Variants in HLTF observed in about 807,000 individuals in gnomAD.
The protein encoded by HLTF is DNA-dependent ATPase/E3 ubiquitin-protein ligase HLTF.
In HLTF, 127 loss-of-function variants were observed where a neutral mutation model predicts 129.4. That is an observed-to-expected ratio of 0.98 (90% confidence interval 0.85 to 1.14). The LOEUF is 1.14. Among genes scored for constraint, HLTF ranks in the 50% most tolerant of loss-of-function variants. HLTF has a pLI of 0.00. For missense variants in HLTF, 1,139 were observed against 1,187.1 expected (o/e 0.96, Z 0.60); for synonymous variants, 332 against 388.8 (o/e 0.85, Z 1.72).
In HLTF at chr3:149,075,872, G is replaced by A; in HGVS notation, c.395+9C>T. On this transcript the variant is annotated intron_variant, in intron 3 of 24. Transcript: ENST00000310053. ...CAATTATTAAAACTAAATTCTGAAAGTACATTACCCTTCAATTTGTGCCAA... is the reference window on the plus strand; with the variant it reads ...CAATTATTAAAACTAAATTCTGAAAATACATTACCCTTCAATTTGTGCCAA... 6.3e-7 allele frequency: 1 copy of A among 1,585,792 alleles called. No homozygotes were observed. The highest frequency in any genetic ancestry group is 8.6e-7 in the Non-Finnish European group (1 of 1,165,698).
At chr3:149,066,314 G>C (rs1027663334) in intron 8 of HLTF, among the ~76,000 whole-genome samples, 1 of 152,054 alleles carries the variant, frequency 6.6e-6, no homozygotes, top group Non-Finnish European at 1.5e-5. Context: ...CCAAAGTGCT[G>C]GGATTACAGG....
At chr3:149,045,398 T>C (rs2107976859) in intron 18 of HLTF, among the ~76,000 whole-genome samples, 1 of 152,332 alleles carries the variant, frequency 6.6e-6, no homozygotes, top group East Asian at 1.9e-4. Context: ...CCCATTAAAA[T>C]ATAAATTCCT....
rs1179974728 is a variant in HLTF at position 149,060,706 on chromosome 3, T to TA, written c.1241-20dup. ...AGTTTGCCTAAAAATAAAACAAAAATAAACATAAAAATGGGCAAAACAGGA... is the reference window on the plus strand; with the variant it reads ...AGTTTGCCTAAAAATAAAACAAAAATAAAACATAAAAATGGGCAAAACAGGA... On this transcript the variant is annotated intron_variant, in intron 11 of 24. Transcript: ENST00000310053. The TA allele has an allele frequency of 4.3e-6, 7 of 1,612,292 alleles. No individual in the cohort carries two copies. Among genetic ancestry groups the TA allele is most frequent in the Non-Finnish European group, 5.9e-6 (7 of 1,178,922 alleles).
intron 10 of HLTF, among the ~76,000 whole-genome samples, chr3:149,062,892 A>C (rs1718065361): frequency 6.6e-6 from 1 of 152,222 alleles, no homozygotes. Context: ...AGTGATTATT[A>C]AAATTTACCA....
chr3:149,078,210 G>A lies in HLTF; in HGVS notation c.229-2163C>T, dbSNP rs189303990. Among the ~76,000 whole-genome samples the A allele has an allele frequency of 6.7e-3, 1,019 of 152,300 alleles. 6 individuals are homozygous for A. The highest frequency in any genetic ancestry group is 0.023 in the African/African-American group (964 of 41,568). On this transcript the variant is annotated intron_variant, in intron 2 of 24. Coordinates refer to ENST00000310053, the MANE Select transcript of HLTF (RefSeq NM_003071.4). ...CAACTGTCCCCAAGAAAGTATAGAT[G>A]TTTGACATAGTAGAAAAAGAATTTA...
intron 17 of HLTF, among the ~76,000 whole-genome samples, chr3:149,046,555 C>A (rs1251371902): frequency 1.3e-5 from 2 of 152,148 alleles, no homozygotes; most frequent in African/African-American, 2.4e-5. Flanking sequence ...CAATCACTAA[C>A]TCTTTTACTT....
chr3:149,071,213 CA>C, intron 7 of HLTF, 38 bp downstream of exon 7: 1 of 1,289,448 alleles, frequency 7.8e-7, no homozygotes, highest in Non-Finnish European at 1.1e-6. Context: ...ATCATAATCA[CA>C]AAATTAGATT....
chr3:149,080,712 G>A (rs1025529853), intron 2 of HLTF, among the ~76,000 whole-genome samples: 10 of 151,944 alleles, frequency 6.6e-5, no homozygotes, highest in Non-Finnish European at 1.2e-4. Flanking sequence ...GTTAACTGTC[G>A]TTACAAATAA....
In HLTF at chr3:149,041,596, T is replaced by A. The variant is rs778009036; in HGVS notation, c.2270A>T (p.Asp757Val). ...ATCCAGGCAAATTGCACATTCCTCATCTGAACCTGAGCTCAGAATTAACTT... is the reference window on the plus strand; with the variant it reads ...ATCCAGGCAAATTGCACATTCCTCAACTGAACCTGAGCTCAGAATTAACTT... ...KMKLILSSGS[D>V]EECAICLDSL... The change falls in exon 20 of 25, where the codon GAT (aspartate) becomes GTT (valine). Residue 757 changes from aspartate to valine, a missense_variant. Asp to Val is a radical substitution (Grantham distance 152). Coordinates refer to ENST00000310053, the MANE Select transcript of HLTF (RefSeq NM_003071.4). 2 of 1,612,388 alleles carry A rather than the reference T, an allele frequency of 1.2e-6. No homozygotes were observed. Among genetic ancestry groups the A allele is most frequent in the East Asian group, 2.2e-5 (1 of 44,800 alleles).
In HLTF at chr3:149,048,904, G is replaced by A; in HGVS notation, c.1715C>T (p.Ala572Val). The A allele has an allele frequency of 6.2e-7, 1 of 1,613,336 alleles. No individual in the cohort carries two copies. The highest frequency in any genetic ancestry group is 8.5e-7 in the Non-Finnish European group (1 of 1,179,448). ...IRNPNAQQTKAVLDLESERRW... is the reference protein window; with the variant it reads ...IRNPNAQQTKVVLDLESERRW... ...TCTTTCTGATTCTAAGTCAAGTACA[G>A]CTTTTGTCTGCTGAGCATTTGGATT... The change falls in exon 16 of 25, where the codon GCT becomes GTT. Residue 572 changes from alanine (A) to valine (V), a missense_variant. Transcript: ENST00000310053.
rs746113839 is a variant in HLTF, at chr3:149,059,717, C to A, written c.1375+1G>T. 5 of 1,553,808 alleles carry A rather than the reference C, an allele frequency of 3.2e-6. No individual in the cohort carries two copies. In the African/African-American group the frequency reaches 5.5e-5, roughly 17 times the overall value. ...ACTAGAAAACAAGGATATTTACTGA[C>A]CCTTTTTCAACATTTTCTTTTTTGT... is the stretch of plus-strand genomic sequence containing the variant. On this transcript the variant is annotated splice_donor_variant, in intron 13 of 24. Coordinates refer to ENST00000310053, the MANE Select transcript of HLTF (RefSeq NM_003071.4). LOFTEE classifies it high-confidence loss of function.
At position 149,060,834 on chromosome 3, in the gene HLTF, T is replaced by C. The variant is rs781631030; in HGVS notation, c.1185A>G (p.Ile395Met). The C allele has an allele frequency of 3.1e-6, 5 of 1,612,914 alleles. No individual in the cohort carries two copies. The highest frequency in any genetic ancestry group is 4.2e-6 in the Non-Finnish European group (5 of 1,179,112). Residue 395 changes from isoleucine to methionine, a missense_variant, in exon 11 of 25, where the codon ATA (isoleucine) becomes ATG (methionine). By Grantham distance (10) the Ile-to-Met change is conservative. Transcript: ENST00000310053. ...CAATTTCCTCTGAATCACTGCTTTCTATGTACTGGACAGCAGTTTTTCTTC... is the reference window on the plus strand; with the variant it reads ...CAATTTCCTCTGAATCACTGCTTTCCATGTACTGGACAGCAGTTTTTCTTC... ...PKRRKTAVQY[I>M]ESSDSEEIET...
intron 2 of HLTF, among the ~76,000 whole-genome samples, chr3:149,081,641 A>T (rs183145883): frequency 4.6e-5 from 7 of 152,352 alleles, no homozygotes; most frequent in African/African-American, 1.7e-4. Flanking sequence ...AAAAGTTTTT[A>T]AAAAGTTTAA....
Position 149,084,803 on chromosome 3 carries a change from C to G in HLTF, c.107G>C (p.Arg36Pro), listed in dbSNP as rs1331648034. The G allele has an allele frequency of 6.2e-7, 1 of 1,613,754 alleles. No individual in the cohort carries two copies. Among genetic ancestry groups the G allele is most frequent in the African/African-American group, 1.3e-5 (1 of 74,836 alleles). Reference sequence around the variant, plus strand: ...AGGGATAACATCTTGGAATTCAAAACGTGGAAAGAAAGTTGGATATGAGAG... The same window carrying G: ...AGGGATAACATCTTGGAATTCAAAAGGTGGAAAGAAAGTTGGATATGAGAG... ...PRLSYPTFFPRFEFQDVIPPD... is the reference protein window; with the variant it reads ...PRLSYPTFFPPFEFQDVIPPD... The change falls in exon 2 of 25, where the codon CGT becomes CCT. Residue 36 changes from arginine to proline, a missense_variant. Physicochemically the swap from Arg to Pro is moderately radical, Grantham distance 103. Transcript: ENST00000310053.
intron 20 of HLTF, among the ~76,000 whole-genome samples, chr3:149,041,168 TAA>T (rs1460953784): frequency 6.6e-6 from 1 of 152,182 alleles, no homozygotes; most frequent in East Asian, 1.9e-4. Context: ...ACAAATGTAT[TAA>T]AATTAGCTTA....
At chr3:149,058,348 ATGCCTGC>A (rs67536612) in intron 13 of HLTF, among the ~76,000 whole-genome samples, 4,025 of 152,260 alleles carry the variant, frequency 0.026, 66 homozygotes, top group South Asian at 0.052. Context: ...ATGTGCCACC[ATGCCTGC>A]TGCCACTATT....
intron 2 of HLTF, among the ~76,000 whole-genome samples, chr3:149,076,576 C>T (rs537950851): frequency 2.6e-5 from 4 of 152,130 alleles, no homozygotes; most frequent in South Asian, 4.1e-4. Context: ...AGCCTCAATT[C>T]TCCAGAATAT....
rs1221009552 is a variant in HLTF at position 149,041,490 on chromosome 3, C to G, written c.2376G>C (p.Gln792His). 12 of 1,610,538 alleles carry G rather than the reference C, an allele frequency of 7.5e-6. No individual in the cohort carries two copies. Among genetic ancestry groups the G allele is most frequent in the Non-Finnish European group, 1.0e-5 (12 of 1,177,800 alleles). Residue 792 changes from glutamine to histidine, a missense_variant and splice_region_variant, in exon 20 of 25, where the codon CAG (glutamine) becomes CAC (histidine). By Grantham distance (24) the Gln-to-His change is conservative. Coordinates refer to ENST00000310053, the MANE Select transcript of HLTF (RefSeq NM_003071.4). ...PCICQVIQNE[Q>H]PHAKCPLCRN... ...AACCTGTACTGAGCAAAAAACTAACCTGCTCATTCTGAATGACTTGGCAAA... is the reference window on the plus strand; with the variant it reads ...AACCTGTACTGAGCAAAAAACTAACGTGCTCATTCTGAATGACTTGGCAAA...
Position 149,067,693 on chromosome 3 carries a change from A to T in HLTF, c.990+547T>A, listed in dbSNP as rs182199991. ...TTTAAAACAATGTTGAGGGAAAAAA[A>T]AATAATAATAATAAAAAAAAACCTG... is the stretch of plus-strand genomic sequence containing the variant. On this transcript the variant is annotated intron_variant, in intron 8 of 24. Transcript: ENST00000310053. 4.6e-3 allele frequency among the ~76,000 whole-genome samples: 705 copies of T among 152,220 alleles called. 2 individuals are homozygous for T. Among genetic ancestry groups the T allele is most frequent in the South Asian group, 0.018 (87 of 4,822 alleles).
Sources: allele counts gnomAD v4.1 joint callset (sites outside exome capture counted in the v4.1 genomes callset), GRCh38; gene constraint gnomAD v4.1.1; transcripts MANE v1.5; gene names NCBI Gene and HGNC (gene_info 2026-07-23, HGNC 2026-07-21).